CCDC148: variants seen among roughly 807,000 people sequenced by gnomAD.
The protein encoded by CCDC148 is coiled-coil domain containing 148, also known as coiled-coil domain-containing protein 148.
In CCDC148, 89 loss-of-function variants were observed where a neutral mutation model predicts 85.7. The observed-to-expected ratio is 1.04, with a 90% CI of 0.87 to 1.24. The LOEUF is 1.24. Among genes scored for constraint, CCDC148 ranks in the 50% most tolerant of loss-of-function variants. CCDC148 has a pLI of 0.00. For synonymous variants in CCDC148, 230 were observed against 213.9 expected (o/e 1.08, Z -0.66); for missense variants, 692 against 671.7 (o/e 1.03, Z -0.33).
At chr2:158,273,353 T>G (rs1417204872) in intron 9 of CCDC148, among the ~76,000 whole-genome samples, 19 of 152,214 alleles carry the variant, frequency 1.2e-4, no homozygotes, top group Admixed American at 1.2e-3. Flanking sequence ...CTTTGAGCAG[T>G]GATTACACAT....
At chr2:158,214,933 A>G (rs1165395806) in intron 11 of CCDC148, among the ~76,000 whole-genome samples, 3 of 152,222 alleles carry the variant, frequency 2.0e-5, no homozygotes, top group Non-Finnish European at 4.4e-5. Context: ...TCAATACAAA[A>G]AAAATCAACA....
chr2:158,437,080 C>G (rs1369242888), intron 1 of CCDC148, among the ~76,000 whole-genome samples: 1 of 152,182 alleles, frequency 6.6e-6, no homozygotes, highest in Non-Finnish European at 1.5e-5. Flanking sequence ...CCTTCTGAAA[C>G]TATTCCAAAT....
intron 11 of CCDC148, among the ~76,000 whole-genome samples, chr2:158,199,965 G>A (rs957596137): frequency 2.0e-5 from 3 of 152,078 alleles, no homozygotes; most frequent in African/African-American, 7.2e-5. Context: ...TATATCATGA[G>A]GCTTTGAAAA....
chr2:158,256,057 T>C lies in CCDC148; in HGVS notation c.1111-5145A>G, dbSNP rs191830326. ...TCAACTGAAATTAATAAGCACACAT[T>C]CTCAGAAAGAACAAAGTAATAGAAA... On this transcript the variant is annotated intron_variant, in intron 9 of 13. Transcript: ENST00000283233. Among the ~76,000 whole-genome samples, 5 of 151,770 alleles carry C rather than the reference T, an allele frequency of 3.3e-5. No homozygotes were observed. The Admixed American group carries it at 3.3e-4, about 10-fold the overall frequency.
intron 11 of CCDC148, among the ~76,000 whole-genome samples, chr2:158,205,524 T>C (rs1204806437): frequency 6.6e-6 from 1 of 151,866 alleles, no homozygotes; most frequent in East Asian, 1.9e-4. Flanking sequence ...TATACATCAT[T>C]TCCTTTAATT....
chr2:158,361,464 A>G (rs1033947847), intron 1 of CCDC148, among the ~76,000 whole-genome samples: 14 of 152,214 alleles, frequency 9.2e-5, no homozygotes, highest in Admixed American at 4.6e-4. Context: ...CATCAGACTA[A>G]CAGCGGATCT....
intron 1 of CCDC148, among the ~76,000 whole-genome samples, chr2:158,394,696 G>A (rs1384517851): frequency 6.6e-6 from 1 of 151,900 alleles, no homozygotes; most frequent in Admixed American, 6.6e-5. Flanking sequence ...AACTTGGAGA[G>A]TCGGCCCCTC....
At chr2:158,260,436 A>C (rs1689171710) in intron 9 of CCDC148, among the ~76,000 whole-genome samples, 1 of 151,932 alleles carries the variant, frequency 6.6e-6, no homozygotes, top group African/African-American at 2.4e-5. Flanking sequence ...AATCATTCCC[A>C]CTTGAAAACC....
rs7559772 is a variant in CCDC148 at position 158,309,557 on chromosome 2, T to C, written c.986A>G (p.Lys329Arg). Residue 329 changes from lysine (K) to arginine (R), a missense_variant, in exon 9 of 14, where the codon AAG becomes AGG. Lys to Arg is a conservative substitution (Grantham distance 26). Coordinates refer to ENST00000283233, the MANE Select transcript of CCDC148 (RefSeq NM_138803.4). ...NILISNWNKN[K>R]KDFIQKAVLT... ...CACAGCCTTCTGTATAAAGTCTTTC[T>C]TATTTTTATTCCAATTTGATATCAG... is the stretch of plus-strand genomic sequence containing the variant. 1,542,924 of 1,613,750 alleles carry C rather than the reference T, an allele frequency of 0.96. 737,838 individuals are homozygous for C. The highest frequency in any genetic ancestry group is 1 in the East Asian group (44,709 of 44,868).
At chr2:158,215,289 A>C (rs1686789065) in intron 11 of CCDC148, among the ~76,000 whole-genome samples, 1 of 152,188 alleles carries the variant, frequency 6.6e-6, no homozygotes, top group African/African-American at 2.4e-5. Flanking sequence ...TTTTAGAAGA[A>C]ATATGAATAA....
chr2:158,314,128 A>G lies in CCDC148; in HGVS notation c.765-234T>C, dbSNP rs551793228. ...CATGAGTATCAGGCACAATTCAATT[A>G]AGTTTGATGAGACATAGTATTTCAA... On this transcript the variant is annotated intron_variant, in intron 7 of 13. Transcript: ENST00000283233. 2.0e-5 allele frequency among the ~76,000 whole-genome samples: 3 copies of G among 152,362 alleles called. No homozygotes were observed. In the South Asian group the frequency reaches 6.2e-4, roughly 32 times the overall value.
chr2:158,273,302 A>C (rs1248649508), intron 9 of CCDC148, among the ~76,000 whole-genome samples: 1 of 152,188 alleles, frequency 6.6e-6, no homozygotes, highest in Non-Finnish European at 1.5e-5. Context: ...CCTGATTAGT[A>C]GTAAACATAA....
chr2:158,358,573 A>T lies in CCDC148; in HGVS notation c.26-3T>A, dbSNP rs765627046. ...TTTCATATGGAATACCAGATTATCT[A>T]TTAGTCATAAAAATAGAAAAATGAC... is the stretch of plus-strand genomic sequence containing the variant. On this transcript the variant is annotated splice_region_variant and splice_polypyrimidine_tract_variant and intron_variant, in intron 1 of 13. Transcript: ENST00000283233. The T allele has an allele frequency of 6.5e-7, 1 of 1,543,206 alleles. No homozygotes were observed. The highest frequency in any genetic ancestry group is 2.1e-5 in the Admixed American group (1 of 48,156).
intron 7 of CCDC148, among the ~76,000 whole-genome samples, chr2:158,315,911 C>G (rs1692259873): frequency 6.6e-6 from 1 of 152,206 alleles, no homozygotes; most frequent in Non-Finnish European, 1.5e-5. Context: ...TCTGGCCTTT[C>G]CCCATGGGAG....
chr2:158,226,496 CA>C (rs982315098), intron 10 of CCDC148, among the ~76,000 whole-genome samples: 5 of 151,952 alleles, frequency 3.3e-5, no homozygotes, highest in African/African-American at 9.7e-5. Context: ...GCCAGAGACA[CA>C]ACAAAAAAAG....
intron 1 of CCDC148, chr2:158,447,403 T>A (rs1312565573): frequency 2.6e-5 from 4 of 152,204 alleles, no homozygotes. Context: ...ACTCCAGGGA[T>A]CCTCCTGCCT....
At chr2:158,341,296 T>C (rs1682678090) in intron 3 of CCDC148, among the ~76,000 whole-genome samples, 2 of 140,440 alleles carry the variant, frequency 1.4e-5, no homozygotes, top group South Asian at 4.7e-4. Context: ...TGTATACATA[T>C]GTGTACATAC....
chr2:158,322,492 A>G (rs1371409006), intron 7 of CCDC148, among the ~76,000 whole-genome samples: 1 of 152,072 alleles, frequency 6.6e-6, no homozygotes, highest in African/African-American at 2.4e-5. Flanking sequence ...TACATCTGAA[A>G]TATATAAAAT....
At chr2:158,211,007 G>A (rs1467110123) in intron 11 of CCDC148, among the ~76,000 whole-genome samples, 1 of 150,750 alleles carries the variant, frequency 6.6e-6, no homozygotes, top group East Asian at 1.9e-4. Flanking sequence ...GACACAGGGA[G>A]GGGAACATCA....
Sources: gnomAD v4.1 joint callset for allele counts (sites outside exome capture counted in the v4.1 genomes callset) on GRCh38, gnomAD v4.1.1 for gene constraint, MANE v1.5 for transcripts, NCBI Gene and HGNC (gene_info 2026-07-23, HGNC 2026-07-21) for gene names.